Variants in VWA2 observed in about 807,000 individuals in gnomAD.
VWA2 encodes the protein von Willebrand factor A domain-containing protein 2.
VWA2 carries 73 observed loss-of-function variants against 70.4 expected under a neutral mutation model. The ratio of observed to expected loss-of-function variants is 1.04; its 90% CI spans 0.86 to 1.26. VWA2 has a LOEUF of 1.26. Among genes scored for constraint, VWA2 ranks in the 50% most tolerant of loss-of-function variants. VWA2 has a pLI of 0.00. For synonymous variants in VWA2, 407 were observed against 423.3 expected (o/e 0.96, Z 0.47); for missense variants, 1,011 against 998.5 (o/e 1.01, Z -0.17).
At chr10:114,289,690 G>T in intron 12 of VWA2, 1 of 621,034 alleles carries the variant, frequency 1.6e-6, no homozygotes, top group South Asian at 2.0e-5. Flanking sequence ...TTAAGGTACA[G>T]AAAGTTTAAC....
At position 114,282,576 on chromosome 10, in the gene VWA2, G is replaced by A. The variant is rs1415741698; in HGVS notation, c.889+5G>A. On this transcript the variant is annotated splice_donor_5th_base_variant and intron_variant, in intron 9 of 13. Transcript: ENST00000392982. ...GCTACAGGACCACCTGCCCAGGTATGGTCTGTCTCTTGGATTTACAGGTTC... is the reference window on the plus strand; with the variant it reads ...GCTACAGGACCACCTGCCCAGGTATAGTCTGTCTCTTGGATTTACAGGTTC... The A allele has an allele frequency of 6.2e-7, 1 of 1,613,626 alleles. No homozygotes were observed. The highest frequency in any genetic ancestry group is 8.5e-7 in the Non-Finnish European group (1 of 1,179,658).
intron 8 of VWA2, among the ~76,000 whole-genome samples, chr10:114,279,072 C>G (rs968658346): frequency 6.6e-6 from 1 of 152,164 alleles, no homozygotes; most frequent in Non-Finnish European, 1.5e-5. Context: ...AGGGTGAGCA[C>G]TGGTGGCAGG....
intron 8 of VWA2, among the ~76,000 whole-genome samples, chr10:114,280,531 T>G (rs1589772838): frequency 6.7e-6 from 1 of 150,346 alleles, no homozygotes; most frequent in African/African-American, 2.5e-5. Flanking sequence ...CTGAGGGAGG[T>G]GGGGGGCAAA....
chr10:114,276,430 G>A lies in VWA2; in HGVS notation c.567-1484G>A, dbSNP rs150222974. 3.7e-3 allele frequency among the ~76,000 whole-genome samples: 558 copies of A among 152,340 alleles called. 1 individual carries two copies. Among genetic ancestry groups the A allele is most frequent in the Middle Eastern group, 0.027 (8 of 294 alleles). ...GTGACTCTGATGCCCACCAGAGTTTGAGGGTCACTGCCAAGGGCAGCGTGA... is the reference window on the plus strand; with the variant it reads ...GTGACTCTGATGCCCACCAGAGTTTAAGGGTCACTGCCAAGGGCAGCGTGA... On this transcript the variant is annotated intron_variant, in intron 6 of 13. Transcript: ENST00000392982.
chr10:114,264,491 C>T (rs531960719), intron 5 of VWA2, among the ~76,000 whole-genome samples: 2 of 151,694 alleles, frequency 1.3e-5, no homozygotes, highest in South Asian at 4.2e-4. Context: ...TATCTCGGCT[C>T]AATGCAAGCT....
intron 2 of VWA2, among the ~76,000 whole-genome samples, chr10:114,250,737 A>T (rs1348563228): frequency 6.6e-6 from 1 of 152,160 alleles, no homozygotes; most frequent in Non-Finnish European, 1.5e-5. Context: ...GGAAAGTATA[A>T]CACAGCAGCT....
chr10:114,290,219 G>A (rs1275338622), intron 12 of VWA2, 21 bp from the exon 13 acceptor site: 2 of 1,550,076 alleles, frequency 1.3e-6, no homozygotes, highest in Non-Finnish European at 8.7e-7. Context: ...GGCCTGGTGG[G>A]TATGGTGTTC....
rs2037435909 is a variant in VWA2, at chr10:114,261,143, G to T, written c.262-43G>T. The stretch of plus-strand genomic sequence containing the variant: ...CTTCTTTCCTCTTAGGAATGTTTTT[G>T]ACTCCAGTCTCGGGGCCCTGAGCCC... On this transcript the variant is annotated intron_variant, in intron 4 of 13. Coordinates refer to ENST00000392982, the MANE Select transcript of VWA2 (RefSeq NM_001272046.2). 2.1e-6 allele frequency: 3 copies of T among 1,437,618 alleles called. No homozygotes were observed. The South Asian group carries it at 3.6e-5, about 17-fold the overall frequency. 89.1% of individuals were successfully genotyped at this position (1,437,618 alleles called of 1,614,324 possible).
chr10:114,248,801 C>T (rs757968328), intron 2 of VWA2, 36 bp downstream of exon 2: 8 of 1,591,454 alleles, frequency 5.0e-6, no homozygotes, highest in East Asian at 2.2e-5. Flanking sequence ...GAAGTACTGG[C>T]GTGTTGAGTA....
chr10:114,286,095 C>T lies in VWA2; in HGVS notation c.1154C>T (p.Ala385Val). Residue 385 changes from alanine (A) to valine (V), a missense_variant, in exon 11 of 14, where the codon GCC becomes GTC. Ala to Val is a moderately conservative substitution (Grantham distance 64). Transcript: ENST00000392982. ...SEDSRARVGVATYSRELLVAV... is the reference protein window; with the variant it reads ...SEDSRARVGVVTYSRELLVAV... ...GACTCTCGGGCCCGAGTGGGTGTGG[C>T]CACATACAGCAGGGAGCTGCTGGTG... 1 of 1,614,130 alleles carries T rather than the reference C, an allele frequency of 6.2e-7. No homozygotes were observed. Among genetic ancestry groups the T allele is most frequent in the Middle Eastern group, 1.6e-4 (1 of 6,062 alleles).
At chr10:114,278,087 G>A (rs1377920650) in intron 7 of VWA2, 40 bp downstream of exon 7, 2 of 1,589,818 alleles carry the variant, frequency 1.3e-6, no homozygotes, top group Admixed American at 1.7e-5. Flanking sequence ...AGTGCCATGT[G>A]GGGTCGGGGA....
intron 12 of VWA2, chr10:114,289,974 A>C (rs1480576606): frequency 3.6e-6 from 1 of 276,592 alleles, no homozygotes; most frequent in East Asian, 7.6e-5. Flanking sequence ...CCTGGGCAAC[A>C]AGAGCAAGAT....
At chr10:114,291,129 G>A (rs2039554898) in intron 13 of VWA2, 89 bp from the exon 14 acceptor site, 1 of 1,452,022 alleles carries the variant, frequency 6.9e-7, no homozygotes, top group African/African-American at 1.4e-5. Context: ...TAGAGTAAGA[G>A]CAGGACCTGA....
chr10:114,253,586 T>C (rs776604354), intron 2 of VWA2, 65 bp from the exon 3 acceptor site: 1 of 1,399,722 alleles, frequency 7.1e-7, no homozygotes, highest in Non-Finnish European at 1.0e-6. Flanking sequence ...AGTCACTTAA[T>C]GTGGAGATTG....
In VWA2 at chr10:114,286,048, T is replaced by C. The variant is rs1313629887; in HGVS notation, c.1107T>C (p.Phe369=). ...FLRAKVFVKR[F]VRAVLSEDSR... Reference sequence around the variant, plus strand: ...GGGCCAAAGTCTTCGTGAAGCGGTTTGTGCGGGCCGTGCTGAGCGAGGACT... The same window carrying C: ...GGGCCAAAGTCTTCGTGAAGCGGTTCGTGCGGGCCGTGCTGAGCGAGGACT... Residue 369 remains phenylalanine (F), a synonymous_variant, in exon 11 of 14, where the codon TTT becomes TTC. Transcript: ENST00000392982. The C allele has an allele frequency of 6.2e-7, 1 of 1,614,178 alleles. No individual in the cohort carries two copies. The highest frequency in any genetic ancestry group is 2.2e-5 in the East Asian group (1 of 44,886).
intron 5 of VWA2, among the ~76,000 whole-genome samples, chr10:114,263,022 C>T (rs928075714): frequency 2.0e-5 from 3 of 152,100 alleles, no homozygotes; most frequent in African/African-American, 7.2e-5. Flanking sequence ...TAGGAATATG[C>T]GCTTTGTTTT....
At chr10:114,281,979 T>A (rs1027424919) in intron 8 of VWA2, among the ~76,000 whole-genome samples, 1 of 150,256 alleles carries the variant, frequency 6.7e-6, no homozygotes, top group Admixed American at 6.7e-5. Flanking sequence ...TGCATGTGGA[T>A]GTCCCTAATT....
In VWA2 at chr10:114,254,917, A is replaced by T; in HGVS notation, c.130A>T (p.Met44Leu). Residue 44 changes from methionine to leucine, a missense_variant and splice_region_variant, in exon 4 of 14, where the codon ATG becomes TTG. Met to Leu is a conservative substitution (Grantham distance 15). Coordinates refer to ENST00000392982, the MANE Select transcript of VWA2 (RefSeq NM_001272046.2). ...TCTGTCTGTCCCGCTCTCCCTAGTGATGTGGTGCTCGGCTGCAGTGGACAT... is the reference window on the plus strand; with the variant it reads ...TCTGTCTGTCCCGCTCTCCCTAGTGTTGTGGTGCTCGGCTGCAGTGGACAT... ...IGKISAASKM[M>L]WCSAAVDIMF... 6.2e-7 allele frequency: 1 copy of T among 1,613,060 alleles called. No homozygotes were observed. Among genetic ancestry groups the T allele is most frequent in the Non-Finnish European group, 8.5e-7 (1 of 1,179,802 alleles).
chr10:114,242,277 G>T (rs779146433), intron 1 of VWA2, among the ~76,000 whole-genome samples: 30 of 152,304 alleles, frequency 2.0e-4, no homozygotes, highest in Middle Eastern at 3.4e-3. Flanking sequence ...CAGGGAAATA[G>T]GATGGATGGT....
Sources: allele counts gnomAD v4.1 joint callset (sites outside exome capture counted in the v4.1 genomes callset), GRCh38; gene constraint gnomAD v4.1.1; transcripts MANE v1.5; gene names NCBI Gene and HGNC (gene_info 2026-07-23, HGNC 2026-07-21).